LIMD1: variants seen among roughly 807,000 people sequenced by gnomAD.
LIMD1 encodes the protein LIM domain-containing protein 1.
LIMD1 carries 23 observed loss-of-function variants against 58.4 expected under a neutral mutation model. That is an observed-to-expected ratio of 0.39 (90% CI 0.28 to 0.56). The LOEUF is 0.56. Ranked by LOEUF, LIMD1 falls within the 20% of genes least tolerant of loss-of-function variation. LIMD1 has a pLI of 0.57. For synonymous variants in LIMD1, 334 were observed against 345.5 expected (o/e 0.97, Z 0.37); for missense variants, 838 against 855.5 (o/e 0.98, Z 0.25).
chr3:45,614,409 T>TAA (rs776301383), intron 1 of LIMD1, among the ~76,000 whole-genome samples: 11 of 125,502 alleles, frequency 8.8e-5, no homozygotes, highest in South Asian at 5.2e-4. Context: ...CACCTGTAGT[T>TAA]AAAAAAAAAA....
At chr3:45,659,263 A>G (rs1418316446) in intron 2 of LIMD1, among the ~76,000 whole-genome samples, 1 of 152,192 alleles carries the variant, frequency 6.6e-6, no homozygotes, top group Non-Finnish European at 1.5e-5. Context: ...CTGAAATGGA[A>G]TTGTACTATA....
At chr3:45,618,085 C>T (rs1357025842) in intron 1 of LIMD1, among the ~76,000 whole-genome samples, 1 of 152,120 alleles carries the variant, frequency 6.6e-6, no homozygotes. Flanking sequence ...TCACTGACCT[C>T]TGAGCCCTTC....
At chr3:45,636,092 A>G (rs1701785327) in intron 1 of LIMD1, 58 bp from the exon 2 acceptor site, 4 of 1,604,926 alleles carry the variant, frequency 2.5e-6, no homozygotes, top group Admixed American at 1.7e-5. Context: ...TGGCTTTTTT[A>G]TGACTCAGTT....
intron 4 of LIMD1, among the ~76,000 whole-genome samples, chr3:45,668,808 C>G (rs1697553076): frequency 6.6e-6 from 1 of 151,728 alleles, no homozygotes; most frequent in Non-Finnish European, 1.5e-5. Context: ...ATAGAACCCA[C>G]ATTGTTGGCT....
rs188987767 is a variant in LIMD1 at position 45,635,673 on chromosome 3, G to A, written c.1409-477G>A. On this transcript the variant is annotated intron_variant, in intron 1 of 7. Transcript: ENST00000273317. ...AGCACTTTAGGAGGCCGAGGCGGGA[G>A]GATTGCTTGAGCCTAGGAGTTCAAG... 1.6e-3 allele frequency among the ~76,000 whole-genome samples: 219 copies of A among 137,300 alleles called. 1 individual carries two copies. Among genetic ancestry groups the A allele is most frequent in the African/African-American group, 5.4e-3 (200 of 37,048 alleles). 90.1% of individuals were successfully genotyped at this position (137,300 alleles called of 152,430 possible).
chr3:45,610,065 G>T (rs111419717), intron 1 of LIMD1, among the ~76,000 whole-genome samples: 3,020 of 152,246 alleles, frequency 0.02, 92 homozygotes, highest in African/African-American at 0.068. Flanking sequence ...GATGGCGCGC[G>T]CCTGTAATCC....
chr3:45,647,938 AT>A (rs1701923286), intron 2 of LIMD1, among the ~76,000 whole-genome samples: 1 of 152,066 alleles, frequency 6.6e-6, no homozygotes, highest in Admixed American at 6.6e-5. Context: ...ACCCAGGTGA[AT>A]ATCACTCTCC....
chr3:45,614,310 G>A (rs1323287079), intron 1 of LIMD1, among the ~76,000 whole-genome samples: 1 of 151,138 alleles, frequency 6.6e-6, no homozygotes, highest in East Asian at 1.9e-4. Context: ...GGTGGATCAC[G>A]AGGTCAGGAG....
At chr3:45,676,834 C>G in intron 7 of LIMD1, 88 bp from the exon 8 acceptor site, 1 of 1,278,564 alleles carries the variant, frequency 7.8e-7, no homozygotes, top group Admixed American at 1.7e-5. Context: ...ACACAGCACC[C>G]TCTGCTGATT....
intron 7 of LIMD1, among the ~76,000 whole-genome samples, chr3:45,676,102 G>C (rs892048379): frequency 1.4e-4 from 22 of 152,124 alleles, no homozygotes; most frequent in African/African-American, 5.3e-4. Flanking sequence ...AAATTAGCCA[G>C]ATGTGTTGGC....
At chr3:45,596,397 T>C (rs1701352850) in intron 1 of LIMD1, 110 bp downstream of exon 1, 2 of 840,714 alleles carry the variant, frequency 2.4e-6, no homozygotes, top group Non-Finnish European at 1.8e-6. Context: ...TCTCTTTGAG[T>C]GGCCTGTTTT....
intron 1 of LIMD1, among the ~76,000 whole-genome samples, chr3:45,623,562 T>C (rs532058601): frequency 2.6e-5 from 4 of 152,184 alleles, no homozygotes; most frequent in Admixed American, 6.5e-5. Context: ...AAGGCCATCG[T>C]TGGTTTTGAG....
At chr3:45,607,652 G>A (rs1701480504) in intron 1 of LIMD1, among the ~76,000 whole-genome samples, 1 of 149,218 alleles carries the variant, frequency 6.7e-6, no homozygotes, top group Non-Finnish European at 1.5e-5. Flanking sequence ...TAGTGACTGA[G>A]GTACTTAGAG....
rs771944858 is a variant in LIMD1, at chr3:45,682,294, G to A, written c.*5235G>A. 13 of 152,270 alleles carry A rather than the reference G, an allele frequency of 8.5e-5. No individual in the cohort carries two copies. The highest frequency in any genetic ancestry group is 1.6e-4 in the Non-Finnish European group (11 of 68,078). 9.4% of individuals were successfully genotyped at this position (152,270 alleles called of 1,614,324 possible). ...TCAGGGTAAAAGGCGGTCTGGAGTT[G>A]TGGTGTGCTGGCAAACCAGCCCTCT... is the stretch of plus-strand genomic sequence containing the variant. On this transcript the variant is annotated 3_prime_UTR_variant, in exon 8 of 8. Coordinates refer to ENST00000273317, the MANE Select transcript of LIMD1 (RefSeq NM_014240.3).
intron 1 of LIMD1, among the ~76,000 whole-genome samples, chr3:45,621,751 C>T (rs922977638): frequency 1.3e-5 from 2 of 152,086 alleles, no homozygotes; most frequent in African/African-American, 4.8e-5. Flanking sequence ...TTCACATTAC[C>T]GTAAATCCAT....
At chr3:45,643,853 G>A (rs1701873955) in intron 2 of LIMD1, among the ~76,000 whole-genome samples, 1 of 152,184 alleles carries the variant, frequency 6.6e-6, no homozygotes, top group Admixed American at 6.5e-5. Context: ...GAATGTGTAA[G>A]TCAAGGCCAG....
Position 45,595,986 on chromosome 3 carries a change from G to T in LIMD1, c.1107G>T (p.Gly369=), listed in dbSNP as rs1701344393. ...GSQQGAVPGL[G]PKPGCTDLGT... ...AGCAGGGTGCGGTCCCTGGGCTGGG[G>T]CCGAAGCCTGGCTGCACAGACCTTG... Residue 369 remains glycine, a synonymous_variant, in exon 1 of 8, where the codon GGG becomes GGT. Coordinates refer to ENST00000273317, the MANE Select transcript of LIMD1 (RefSeq NM_014240.3). 6.2e-7 allele frequency: 1 copy of T among 1,614,078 alleles called. No individual in the cohort carries two copies.
Position 45,595,097 on chromosome 3 carries a change from G to A in LIMD1, c.218G>A (p.Gly73Glu), listed in dbSNP as rs766742739. The change falls in exon 1 of 8, where the codon GGG (glycine) becomes GAG (glutamate). Residue 73 changes from glycine (G) to glutamate (E), a missense_variant. Around this residue, in one of 3 missense-constraint regions of LIMD1, gnomAD observed 659 missense variants for 639.8 expected, o/e 1.03. Transcript: ENST00000273317. ...QLLQEETLPRGSRGPVNGGGR... is the reference protein window; with the variant it reads ...QLLQEETLPRESRGPVNGGGR... ...CTGCAGGAGGAGACTCTGCCCAGGG[G>A]GAGTAGAGGCCCTGTCAATGGAGGG... 1 of 1,612,648 alleles carries A rather than the reference G, an allele frequency of 6.2e-7. No individual in the cohort carries two copies. Among genetic ancestry groups the A allele is most frequent in the East Asian group, 2.2e-5 (1 of 44,862 alleles).
intron 1 of LIMD1, among the ~76,000 whole-genome samples, chr3:45,605,461 T>C (rs1390846837): frequency 6.6e-6 from 1 of 152,250 alleles, no homozygotes; most frequent in African/African-American, 2.4e-5. Context: ...CTTCCATTCT[T>C]AGAATAATCA....
Sources: allele counts gnomAD v4.1 joint callset (sites outside exome capture counted in the v4.1 genomes callset), GRCh38; gene constraint gnomAD v4.1.1; regional missense constraint gnomAD v4.1.1; transcripts MANE v1.5; gene names NCBI Gene and HGNC (gene_info 2026-07-23, HGNC 2026-07-21).